The following ZFYVE16 variants were observed in gnomAD, a reference collection of about 807,000 sequenced individuals.
The protein encoded by ZFYVE16 is zinc finger FYVE domain-containing protein 16.
A neutral mutation model predicts 138.1 loss-of-function variants in ZFYVE16; 89 were observed. The observed-to-expected ratio is 0.64, with a 90% CI of 0.54 to 0.77. The LOEUF is 0.77. Ranked by LOEUF, ZFYVE16 falls within the 30% of genes least tolerant of loss-of-function variation. ZFYVE16 has a pLI of 0.00. For synonymous variants in ZFYVE16, 596 were observed against 618.3 expected, an observed-to-expected ratio of 0.96 and a Z score of 0.53; for missense variants, 1,793 against 1,786.7, an observed-to-expected ratio of 1.00 and a Z score of -0.06.
At chr5:80,459,307 A>G (rs908416848) in intron 14 of ZFYVE16, 107 bp from the exon 15 acceptor site, 8 of 749,390 alleles carry the variant, frequency 1.1e-5, no homozygotes, top group East Asian at 2.8e-5. Flanking sequence ...TTGTGTGGGT[A>G]TAACATTTAT....
chr5:80,475,590 G>A (rs1456372174), intron 18 of ZFYVE16, among the ~76,000 whole-genome samples: 1 of 152,170 alleles, frequency 6.6e-6, no homozygotes, highest in African/African-American at 2.4e-5. Context: ...GCAAATAAGT[G>A]TGTGTCCTCC....
chr5:80,409,970 G>C (rs527651647), intron 1 of ZFYVE16: 1 of 152,094 alleles, frequency 6.6e-6, no homozygotes, highest in South Asian at 2.1e-4. Flanking sequence ...ATAGAGTTTT[G>C]CTTTTTTTTA....
In ZFYVE16 at chr5:80,480,544, A is replaced by G. The variant is rs1755227975; in HGVS notation, c.*3167A>G. 6.6e-6 allele frequency among the ~76,000 whole-genome samples: 1 copy of G among 152,174 alleles called. No homozygotes were observed. Among genetic ancestry groups the G allele is most frequent in the Non-Finnish European group, 1.5e-5 (1 of 68,024 alleles). Reference sequence around the variant, plus strand: ...AGCAAATACTTAGATAGAATGCAGAATTTTAAAAACTGATGAAAGACATGA... The same window carrying G: ...AGCAAATACTTAGATAGAATGCAGAGTTTTAAAAACTGATGAAAGACATGA... On this transcript the variant is annotated 3_prime_UTR_variant, in exon 19 of 19. Transcript: ENST00000505560.
chr5:80,422,791 A>G (rs1747421498), intron 1 of ZFYVE16, among the ~76,000 whole-genome samples: 1 of 152,120 alleles, frequency 6.6e-6, no homozygotes, highest in African/African-American at 2.4e-5. Flanking sequence ...ATGTGATTAT[A>G]TATGTCTTCC....
intron 2 of ZFYVE16, among the ~76,000 whole-genome samples, chr5:80,432,444 G>A (rs148111265): frequency 0.79 from 120,488 of 151,860 alleles, 50,217 homozygotes; most frequent in East Asian, 0.92. Flanking sequence ...TTCAAGATGG[G>A]TTAAAGACTT....
At chr5:80,422,423 G>C (rs1339889997) in intron 1 of ZFYVE16, among the ~76,000 whole-genome samples, 6 of 152,104 alleles carry the variant, frequency 3.9e-5, no homozygotes, top group Admixed American at 2.0e-4. Flanking sequence ...AGTTTGCTAA[G>C]AGTTTTTCTC....
intron 15 of ZFYVE16, among the ~76,000 whole-genome samples, chr5:80,468,950 C>A (rs1197734412): frequency 6.6e-6 from 1 of 152,022 alleles, no homozygotes; most frequent in Admixed American, 6.6e-5. Context: ...TAATCATAAG[C>A]ACACCCATCT....
chr5:80,433,352 C>T (rs1749380705), intron 2 of ZFYVE16, among the ~76,000 whole-genome samples: 1 of 152,162 alleles, frequency 6.6e-6, no homozygotes, highest in Non-Finnish European at 1.5e-5. Context: ...AAACCAAACA[C>T]CGCATATTCT....
intron 18 of ZFYVE16, among the ~76,000 whole-genome samples, chr5:80,476,545 G>C (rs1169002458): frequency 6.6e-6 from 1 of 152,118 alleles, no homozygotes; most frequent in Non-Finnish European, 1.5e-5. Flanking sequence ...TCTTTGAACT[G>C]AAAGTTCTCT....
chr5:80,435,133 C>G (rs1749692703), intron 3 of ZFYVE16, among the ~76,000 whole-genome samples: 1 of 152,218 alleles, frequency 6.6e-6, no homozygotes, highest in Admixed American at 6.5e-5. Context: ...CTCCCAGGTT[C>G]AAGCGATTCT....
rs1561351896 is a variant in ZFYVE16, at chr5:80,480,823, G to A, written c.*3446G>A. 1.3e-5 allele frequency among the ~76,000 whole-genome samples: 2 copies of A among 152,084 alleles called. No homozygotes were observed. The highest frequency in any genetic ancestry group is 2.9e-5 in the Non-Finnish European group (2 of 68,020). On this transcript the variant is annotated 3_prime_UTR_variant, in exon 19 of 19. Coordinates refer to ENST00000505560, the MANE Select transcript of ZFYVE16 (RefSeq NM_001284236.3). ...GTGGTCCCAGCTTCACGGGGGCTGAGGTGGGAGGATCACTTGAGCCCAGGA... is the reference window on the plus strand; with the variant it reads ...GTGGTCCCAGCTTCACGGGGGCTGAAGTGGGAGGATCACTTGAGCCCAGGA...
chr5:80,479,764 C>T lies in ZFYVE16; in HGVS notation c.*2387C>T, dbSNP rs1165379316. Among the ~76,000 whole-genome samples the T allele has an allele frequency of 6.6e-6, 1 of 152,110 alleles. No homozygotes were observed. Among genetic ancestry groups the T allele is most frequent in the Non-Finnish European group, 1.5e-5 (1 of 68,002 alleles). On this transcript the variant is annotated 3_prime_UTR_variant, in exon 19 of 19. Transcript: ENST00000505560. ...AAGCATGTACCCTTACTCTGACAAC[C>T]TTATGAGTGAGGGGGACAGAAATTA...
rs997643506 is a variant in ZFYVE16 at position 80,483,010 on chromosome 5, G to C, written c.*5633G>C. ...CTCCAGAGGAGTAGCTGGGATTACA[G>C]GTGCGTGGTACCACGCCCAGCTAAT... On this transcript the variant is annotated 3_prime_UTR_variant, in exon 19 of 19. Transcript: ENST00000505560. 6.6e-6 allele frequency: 1 copy of C among 152,072 alleles called. No homozygotes were observed. Among genetic ancestry groups the C allele is most frequent in the South Asian group, 2.1e-4 (1 of 4,822 alleles). The allele number at this position is 152,072 out of a possible 1,614,324, so 9.4% of individuals were successfully genotyped here. A position where few individuals can be genotyped will look rare whatever the true frequency, so the allele number is the denominator to read the frequency against.
intron 2 of ZFYVE16, among the ~76,000 whole-genome samples, chr5:80,432,252 A>G (rs1418744052): frequency 6.6e-6 from 1 of 152,186 alleles, no homozygotes; most frequent in African/African-American, 2.4e-5. Context: ...GACAAATGGA[A>G]CAGAACAGAG....
At chr5:80,421,542 T>G (rs1747175777) in intron 1 of ZFYVE16, among the ~76,000 whole-genome samples, 1 of 152,276 alleles carries the variant, frequency 6.6e-6, no homozygotes, top group Non-Finnish European at 1.5e-5. Flanking sequence ...CACCATTTAT[T>G]AAATAGGGAA....
At chr5:80,408,440 C>T (rs1744933645) in intron 1 of ZFYVE16, among the ~76,000 whole-genome samples, 1 of 152,252 alleles carries the variant, frequency 6.6e-6, no homozygotes, top group Non-Finnish European at 1.5e-5. Context: ...TCCCGGGCCG[C>T]CGGAGTGTTC....
chr5:80,470,099 G>GTGTGTGTGTATA (rs1327173079), intron 15 of ZFYVE16, among the ~76,000 whole-genome samples: 2 of 121,184 alleles, frequency 1.7e-5, no homozygotes, highest in African/African-American at 6.8e-5. Context: ...GTGTGTGTGT[G>GTGTGTGTGTATA]TATTTTTTTT....
intron 2 of ZFYVE16, among the ~76,000 whole-genome samples, chr5:80,431,133 C>A (rs1324935221): frequency 6.6e-6 from 1 of 151,916 alleles, no homozygotes; most frequent in Admixed American, 6.6e-5. Context: ...GAGGCACAAC[C>A]AAAAAAGAGA....
At chr5:80,445,482 G>A in intron 7 of ZFYVE16, 77 bp downstream of exon 7, 4 of 1,233,114 alleles carry the variant, frequency 3.2e-6, no homozygotes, top group Non-Finnish European at 4.3e-6. Flanking sequence ...GATTATTAGA[G>A]TGCTTTTTTT....
Sources: gnomAD v4.1 joint callset for allele counts (sites outside exome capture counted in the v4.1 genomes callset) on GRCh38, gnomAD v4.1.1 for gene constraint, MANE v1.5 for transcripts, NCBI Gene and HGNC (gene_info 2026-07-23, HGNC 2026-07-21) for gene names.